Variants in INPP5J observed in about 807,000 individuals in gnomAD.
INPP5J encodes inositol polyphosphate-5-phosphatase J.
INPP5J carries 75 observed loss-of-function variants against 86.6 expected under a neutral mutation model. That is an observed-to-expected ratio of 0.87 (90% CI 0.72 to 1.05). The LOEUF (loss-of-function observed/expected upper bound fraction) is 1.05. INPP5J is among the 50% of genes least tolerant of loss of function. INPP5J has a pLI of 0.00. For synonymous variants in INPP5J, 540 were observed against 550.0 expected (o/e 0.98, Z 0.25); for missense variants, 1,229 against 1,341.2 (o/e 0.92, Z 1.31).
At chr22:31,123,147 C>G (rs138774815) in intron 1 of INPP5J, 28 bp downstream of exon 1, 7 of 1,381,180 alleles carry the variant, frequency 5.1e-6, no homozygotes, top group Middle Eastern at 4.2e-4. Context: ...CAGTGCCCCC[C>G]GCTTTCCTGA....
chr22:31,132,180 C>T (rs1250578942), intron 9 of INPP5J, among the ~76,000 whole-genome samples: 1 of 152,192 alleles, frequency 6.6e-6, no homozygotes, highest in Admixed American at 6.5e-5. Flanking sequence ...TGGTTAGAGC[C>T]TGCCCTGGGG....
At chr22:31,129,026 G>A (rs181704847) in intron 9 of INPP5J, among the ~76,000 whole-genome samples, 4 of 147,390 alleles carry the variant, frequency 2.7e-5, no homozygotes, top group East Asian at 2.0e-4. Flanking sequence ...TCCGCCTCCC[G>A]GGTTCAAGTG....
chr22:31,125,345 T>C lies in INPP5J; in HGVS notation c.606T>C (p.Pro202=). The C allele has an allele frequency of 4.5e-6, 7 of 1,550,150 alleles. No individual in the cohort carries two copies. Among genetic ancestry groups the C allele is most frequent in the Non-Finnish European group, 6.1e-6 (7 of 1,146,866 alleles). ...EEQPPELPST[P]SPVPSPVLSP... is the part of the protein sequence containing the mutation. ...AGCCCCCAGAACTCCCCTCCACCCC[T>C]TCCCCGGTGCCCAGTCCAGTTCTGT... The change falls in exon 2 of 13, where the codon CCT becomes CCC. Residue 202 remains proline, a synonymous_variant. Coordinates refer to ENST00000331075, the MANE Select transcript of INPP5J (RefSeq NM_001284285.2).
chr22:31,125,525 T>C lies in INPP5J; in HGVS notation c.786T>C (p.Pro262=), dbSNP rs2147871277. 3.9e-6 allele frequency: 6 copies of C among 1,550,540 alleles called. No homozygotes were observed. The highest frequency in any genetic ancestry group is 1.2e-5 in the South Asian group (1 of 84,056). ...AGCCTCCAGCTCAGACATCTGGTCC[T>C]ACAGGCTCCCCACCCTGCATCCAAA... ...HLQPPAQTSG[P]TGSPPCIQTS... Residue 262 remains proline (P), a synonymous_variant, in exon 2 of 13, where the codon CCT becomes CCC. Coordinates refer to ENST00000331075, the MANE Select transcript of INPP5J (RefSeq NM_001284285.2).
rs754016235 is a variant in INPP5J at position 31,134,151 on chromosome 22, G to A, written c.2753G>A (p.Arg918His). The A allele has an allele frequency of 5.8e-6, 9 of 1,549,064 alleles. No individual in the cohort carries two copies. The highest frequency in any genetic ancestry group is 4.9e-5 in the East Asian group (2 of 40,900). The change falls in exon 13 of 13, where the codon CGC becomes CAC. Residue 918 changes from arginine to histidine, a missense_variant. Coordinates refer to ENST00000331075, the MANE Select transcript of INPP5J (RefSeq NM_001284285.2). ...GASRSPSPQS[R>H]RLSRVAPDRS... is the part of the protein sequence containing the mutation. Reference sequence around the variant, plus strand: ...AGCCGTAGCCCCTCACCCCAGAGCCGCCGCCTGTCCCGAGTGGCTCCTGAC... The same window carrying A: ...AGCCGTAGCCCCTCACCCCAGAGCCACCGCCTGTCCCGAGTGGCTCCTGAC...
At position 31,125,823 on chromosome 22, in the gene INPP5J, G is replaced by A. The variant is rs371583564; in HGVS notation, c.1084G>A (p.Val362Ile). 2 of 1,604,394 alleles carry A rather than the reference G, an allele frequency of 1.2e-6. No homozygotes were observed. The change falls in exon 2 of 13, where the codon GTT (valine) becomes ATT (isoleucine). Residue 362 changes from valine to isoleucine, a missense_variant. Coordinates refer to ENST00000331075, the MANE Select transcript of INPP5J (RefSeq NM_001284285.2). ...PSHSPNRSPC[V>I]PPAPDMALPR... ...CCACTCCCCGAATCGCTCTCCCTGT[G>A]TTCCCCCAGCCCCTGACATGGCCCT...
At chr22:31,127,630 A>T (rs1044637318) in intron 6 of INPP5J, 98 bp downstream of exon 6, 3 of 1,279,906 alleles carry the variant, frequency 2.3e-6, no homozygotes, top group African/African-American at 1.5e-5. Context: ...GGCAGGGCCT[A>T]TGGGGTTTAG....
At chr22:31,124,482 G>GACT (rs969818431) in intron 1 of INPP5J, among the ~76,000 whole-genome samples, 8 of 152,334 alleles carry the variant, frequency 5.3e-5, no homozygotes, top group African/African-American at 1.9e-4. Context: ...GAGCTTCAGG[G>GACT]ACTGCAGTGG....
intron 9 of INPP5J, among the ~76,000 whole-genome samples, chr22:31,130,418 G>C (rs1286871238): frequency 3.3e-5 from 5 of 151,958 alleles, no homozygotes; most frequent in Non-Finnish European, 7.4e-5. Context: ...TGAGGCTGAG[G>C]TGGGAAGATC....
At chr22:31,128,108 C>T (rs751672094) in intron 7 of INPP5J, 46 bp downstream of exon 7, 12 of 1,483,040 alleles carry the variant, frequency 8.1e-6, no homozygotes, top group African/African-American at 2.8e-5. Flanking sequence ...TCCCAGGACA[C>T]GCCTGTACCT....
At chr22:31,126,264 G>C (rs1921408556) in intron 2 of INPP5J, 112 bp from the exon 3 acceptor site, 2 of 960,050 alleles carry the variant, frequency 2.1e-6, no homozygotes, top group Admixed American at 4.2e-5. Flanking sequence ...GTCCTTCTTA[G>C]GGCTTTGGCC....
At chr22:31,124,411 G>T in intron 1 of INPP5J, 1 of 747,434 alleles carries the variant, frequency 1.3e-6, no homozygotes, top group Non-Finnish European at 1.6e-6. Context: ...AAAAAGAAAA[G>T]AAACAGGCTG....
intron 9 of INPP5J, among the ~76,000 whole-genome samples, chr22:31,129,323 C>T (rs1044453397): frequency 1.3e-5 from 2 of 149,000 alleles, no homozygotes; most frequent in South Asian, 2.1e-4. Flanking sequence ...TCACTGCAAC[C>T]ACCATCTCCT....
At chr22:31,129,498 C>T (rs1180681571) in intron 9 of INPP5J, among the ~76,000 whole-genome samples, 1 of 150,642 alleles carries the variant, frequency 6.6e-6, no homozygotes, top group African/African-American at 2.4e-5. Context: ...CCTCAGCCTC[C>T]CAAAGTGCTA....
chr22:31,130,426 A>C (rs976225135), intron 9 of INPP5J, among the ~76,000 whole-genome samples: 1 of 152,080 alleles, frequency 6.6e-6, no homozygotes, highest in Non-Finnish European at 1.5e-5. Flanking sequence ...AGGTGGGAAG[A>C]TCACTGGAGC....
Position 31,124,796 on chromosome 22 carries a change from C to T in INPP5J, c.106-49C>T, listed in dbSNP as rs372662851. On this transcript the variant is annotated intron_variant, in intron 1 of 12. Coordinates refer to ENST00000331075, the MANE Select transcript of INPP5J (RefSeq NM_001284285.2). ...CAGGGTCTATATGGAAGTTGGGGCC[C>T]AATGCCCTGGTTAGGGTCACTCTGA... 4.5e-5 allele frequency: 68 copies of T among 1,526,120 alleles called. No individual in the cohort carries two copies. In the African/African-American group the frequency reaches 6.3e-4, roughly 14 times the overall value. The allele number at this position is 1,526,120 out of a possible 1,614,324, so 94.5% of individuals were successfully genotyped here. A position where few individuals can be genotyped will look rare whatever the true frequency, so the allele number is the denominator to read the frequency against.
In INPP5J at chr22:31,126,468, G is replaced by A; in HGVS notation, c.1364G>A (p.Gly455Asp). Reference protein sequence around the residue: ...LHLGGGDDSDGADMIAIGLQE... With the variant: ...LHLGGGDDSDDADMIAIGLQE... ...CTGGGCGGTGGTGACGACAGCGACG[G>A]CGCAGACATGATCGCCATAGGGTGA... Residue 455 changes from glycine (G) to aspartate (D), a missense_variant, in exon 3 of 13, where the codon GGC becomes GAC. Transcript: ENST00000331075. The A allele has an allele frequency of 6.2e-7, 1 of 1,613,756 alleles. No homozygotes were observed. Among genetic ancestry groups the A allele is most frequent in the Non-Finnish European group, 8.5e-7 (1 of 1,179,818 alleles).
intron 9 of INPP5J, 140 bp from the exon 10 acceptor site, chr22:31,132,958 C>T: frequency 8.9e-7 from 1 of 1,117,642 alleles, no homozygotes; most frequent in Non-Finnish European, 1.3e-6. Context: ...TTATACTAGA[C>T]CTGTTCTGCC....
In INPP5J at chr22:31,128,610, A is replaced by G. The variant is rs1363011598; in HGVS notation, c.2149A>G (p.Thr717Ala). Residue 717 changes from threonine to alanine, a missense_variant, in exon 9 of 13, where the codon ACA becomes GCA. By Grantham distance (58) the Thr-to-Ala change is moderately conservative. Transcript: ENST00000331075. Reference protein sequence around the residue: ...QHSYRSHMEYTVSDHKPVAAQ... With the variant: ...QHSYRSHMEYAVSDHKPVAAQ... Reference sequence around the variant, plus strand: ...CAGCTACCGCAGCCACATGGAATACACAGTCAGCGACCACAAGCCTGTGGC... The same window carrying G: ...CAGCTACCGCAGCCACATGGAATACGCAGTCAGCGACCACAAGCCTGTGGC... 1 of 1,608,732 alleles carries G rather than the reference A, an allele frequency of 6.2e-7. No individual in the cohort carries two copies.
Sources: gnomAD v4.1 joint callset for allele counts (sites outside exome capture counted in the v4.1 genomes callset) on GRCh38, gnomAD v4.1.1 for gene constraint, MANE v1.5 for transcripts, NCBI Gene and HGNC (gene_info 2026-07-23, HGNC 2026-07-21) for gene names.